Variants in COX6B2 observed in about 807,000 individuals in gnomAD.
COX6B2 encodes the protein COX VIb-2.
A neutral mutation model predicts 13.7 loss-of-function variants in COX6B2; 12 were observed. That is an observed-to-expected ratio of 0.87 (90% CI 0.56 to 1.41). The LOEUF (loss-of-function observed/expected upper bound fraction) is 1.41. Among genes scored for constraint, COX6B2 ranks in the 40% most tolerant of loss-of-function variants. The probability of loss-of-function intolerance (pLI) is 0.00; values close to 1 mark genes in which losing one functional copy is unlikely to be tolerated. For missense variants in COX6B2, 130 were observed against 118.3 expected, an observed-to-expected ratio of 1.10 and a Z score of -0.46; for synonymous variants, 56 against 46.6, an observed-to-expected ratio of 1.20 and a Z score of -0.82.
rs191810490 is a variant in COX6B2, at chr19:55,349,988, G to C, written c.*927C>G. ...ACTAAAAATACAAAATAAGCTGGGC[G>C]TGGTGGTGCATGCCTGTAATCCCAG... On this transcript the variant is annotated 3_prime_UTR_variant, in exon 5 of 5. Transcript: ENST00000326529. 1 of 152,070 alleles carries C rather than the reference G, an allele frequency of 6.6e-6. No homozygotes were observed. Among genetic ancestry groups the C allele is most frequent in the African/African-American group, 2.4e-5 (1 of 41,294 alleles). 9.4% of individuals were successfully genotyped at this position (152,070 alleles called of 1,614,324 possible).
chr19:55,352,941 G>C lies in COX6B2; in HGVS notation c.*114+666C>G, dbSNP rs578259516. The C allele has an allele frequency of 6.5e-6, 1 of 152,778 alleles. No individual in the cohort carries two copies. Among genetic ancestry groups the C allele is most frequent in the East Asian group, 1.9e-4 (1 of 5,180 alleles). 9.5% of individuals were successfully genotyped at this position (152,778 alleles called of 1,614,324 possible). A position where few individuals can be genotyped will look rare whatever the true frequency, so the allele number is the denominator to read the frequency against. ...AGCGGCCTCTGCGGGGTGGGGGTGC[G>C]GGGTGAGCCTGATGCATTGGAGAAC... On this transcript the variant is annotated intron_variant, in intron 4 of 4. Coordinates refer to ENST00000326529, the MANE Select transcript of COX6B2 (RefSeq NM_144613.5). The surrounding 1 kb of genome is among the most constrained non-coding windows in gnomAD (Gnocchi z 6.2).
chr19:55,351,181 C>A (rs959953987), intron 4 of COX6B2, among the ~76,000 whole-genome samples: 1 of 152,214 alleles, frequency 6.6e-6, no homozygotes, highest in South Asian at 2.1e-4. Flanking sequence ...GTTCTAACTG[C>A]TTTATATGTT....
Position 55,350,891 on chromosome 19 carries a change from T to C in COX6B2, c.*115-91A>G, listed in dbSNP as rs2089666078. On this transcript the variant is annotated intron_variant, in intron 4 of 4. Transcript: ENST00000326529. The surrounding 1 kb of genome is among the most constrained non-coding windows in gnomAD (Gnocchi z 4.2). The stretch of plus-strand genomic sequence containing the variant: ...TGGCACTAGAACTGCTCTCAGCCTT[T>C]GGCAGGCAGGCAGGGCCCTGGCCAA... 1 of 152,354 alleles carries C rather than the reference T, an allele frequency of 6.6e-6. No homozygotes were observed. The highest frequency in any genetic ancestry group is 1.5e-5 in the Non-Finnish European group (1 of 68,126). The allele number at this position is 152,354 out of a possible 1,614,324, so 9.4% of individuals were successfully genotyped here. A position where few individuals can be genotyped will look rare whatever the true frequency, so the allele number is the denominator to read the frequency against.
At chr19:55,351,319 G>A (rs2123212983) in intron 4 of COX6B2, among the ~76,000 whole-genome samples, 1 of 152,348 alleles carries the variant, frequency 6.6e-6, no homozygotes, top group African/African-American at 2.4e-5. Flanking sequence ...CACATGGTTA[G>A]TAGCTTCAGG....
chr19:55,350,991 G>A lies in COX6B2; in HGVS notation c.*115-191C>T, dbSNP rs1465264296. 6.6e-6 allele frequency among the ~76,000 whole-genome samples: 1 copy of A among 152,208 alleles called. No individual in the cohort carries two copies. Among genetic ancestry groups the A allele is most frequent in the Non-Finnish European group, 1.5e-5 (1 of 68,036 alleles). On this transcript the variant is annotated intron_variant, in intron 4 of 4. Coordinates refer to ENST00000326529, the MANE Select transcript of COX6B2 (RefSeq NM_144613.5). The surrounding 1 kb of genome is among the most constrained non-coding windows in gnomAD (Gnocchi z 4.2). ...TTATGCTGCAAGCTAGTAACCAGAT[G>A]CCTCCAAGAGCTCCAGGACTGGTTT...
chr19:55,352,741 G>A lies in COX6B2; in HGVS notation c.*114+866C>T, dbSNP rs1325444470. On this transcript the variant is annotated intron_variant, in intron 4 of 4. Transcript: ENST00000326529. The surrounding 1 kb of genome is among the most constrained non-coding windows in gnomAD (Gnocchi z 6.2). ...TGTCAAGCGGCACTCCTTGGCCTGG[G>A]GAGAGGCAAGACTTCAAAGGGCGTC... 1 of 152,242 alleles carries A rather than the reference G, an allele frequency of 6.6e-6. No individual in the cohort carries two copies. The highest frequency in any genetic ancestry group is 1.9e-4 in the East Asian group (1 of 5,194). 9.4% of individuals were successfully genotyped at this position (152,242 alleles called of 1,614,324 possible).
At position 55,352,405 on chromosome 19, in the gene COX6B2, C is replaced by T. The variant is rs1401901039; in HGVS notation, c.*114+1202G>A. ...GATGGAGTCAGCCCCCTGAGCTCAC[C>T]CAGCCCTACCTCCTCTGATAATGGG... On this transcript the variant is annotated intron_variant, in intron 4 of 4. Transcript: ENST00000326529. The surrounding 1 kb of genome is among the most constrained non-coding windows in gnomAD (Gnocchi z 6.2). 2 of 152,326 alleles carry T rather than the reference C, an allele frequency of 1.3e-5. No individual in the cohort carries two copies. Among genetic ancestry groups the T allele is most frequent in the South Asian group, 2.1e-4 (1 of 4,832 alleles). 9.4% of individuals were successfully genotyped at this position (152,326 alleles called of 1,614,324 possible).
At chr19:55,354,027 C>A (rs1600274747) in intron 2 of COX6B2, 61 bp from the exon 3 acceptor site, 1 of 1,400,840 alleles carries the variant, frequency 7.1e-7, no homozygotes, top group East Asian at 2.5e-5. Flanking sequence ...CCCGCCCCTC[C>A]ACTGCTCGGG....
intron 4 of COX6B2, 21 bp downstream of exon 4, chr19:55,353,586 G>T: frequency 1.2e-6 from 1 of 823,010 alleles, no homozygotes; most frequent in South Asian, 1.7e-5. Context: ...GCATTAAGAA[G>T]AAACATCAGC....
chr19:55,353,929 C>G lies in COX6B2; in HGVS notation c.150G>C (p.Gly50=). 6.4e-7 allele frequency: 1 copy of G among 1,566,466 alleles called. No homozygotes were observed. The highest frequency in any genetic ancestry group is 8.6e-7 in the Non-Finnish European group (1 of 1,157,954). The change falls in exon 3 of 5, where the codon GGG becomes GGC. Residue 50 remains glycine (G), a synonymous_variant. Coordinates refer to ENST00000326529, the MANE Select transcript of COX6B2 (RefSeq NM_144613.5). The stretch of plus-strand genomic sequence containing the variant: ...AGTACTCGCAGGGCTGCGTGCTCTT[C>G]CCGCGGCGGGTCCTGGTCTTGAGGC... ...HRCLKTRTRR[G]KSTQPCEYYF... is the part of the protein sequence containing the mutation.
In COX6B2 at chr19:55,353,673, A is replaced by T; in HGVS notation, c.*48T>A. ...CCGAGACCCGGGGCTCCGCGAGACA[A>T]AAAGATGCAGGATCACTGCATCTTC... On this transcript the variant is annotated 3_prime_UTR_variant, in exon 4 of 5. Transcript: ENST00000326529. The T allele has an allele frequency of 6.3e-7, 1 of 1,578,674 alleles. No homozygotes were observed. The highest frequency in any genetic ancestry group is 8.6e-7 in the Non-Finnish European group (1 of 1,158,478).
At chr19:55,351,876 G>GT (rs2089672489) in intron 4 of COX6B2, 1 of 152,858 alleles carries the variant, frequency 6.5e-6, no homozygotes, top group Non-Finnish European at 1.5e-5. Context: ...TCAGGCATCA[G>GT]TGGGGCAGTG....
rs1163350214 is a variant in COX6B2 at position 55,349,764 on chromosome 19, A to C, written c.*1151T>G. ...TTTTTATAGGGGGTTCAGAGCGTTC[A>C]TCACATTCTCACAAGTTTCTGTATC... On this transcript the variant is annotated 3_prime_UTR_variant, in exon 5 of 5. Coordinates refer to ENST00000326529, the MANE Select transcript of COX6B2 (RefSeq NM_144613.5). 1.3e-5 allele frequency: 2 copies of C among 152,188 alleles called. No homozygotes were observed. Among genetic ancestry groups the C allele is most frequent in the Non-Finnish European group, 2.9e-5 (2 of 68,054 alleles). The allele number at this position is 152,188 out of a possible 1,614,324, so 9.4% of individuals were successfully genotyped here. A position where few individuals can be genotyped will look rare whatever the true frequency, so the allele number is the denominator to read the frequency against.
Position 55,353,589 on chromosome 19 carries a change from A to G in COX6B2, c.*114+18T>C. 1.2e-6 allele frequency: 1 copy of G among 830,776 alleles called. No individual in the cohort carries two copies. The highest frequency in any genetic ancestry group is 1.9e-6 in the Non-Finnish European group (1 of 532,826). 51.5% of individuals were successfully genotyped at this position (830,776 alleles called of 1,614,324 possible). A position where few individuals can be genotyped will look rare whatever the true frequency, so the allele number is the denominator to read the frequency against. ...ATCGCTGGCTGGGCATTAAGAAGAA[A>G]CATCAGCAACAGCATACCATTATTC... On this transcript the variant is annotated intron_variant, in intron 4 of 4. Transcript: ENST00000326529.
intron 2 of COX6B2, 166 bp downstream of exon 2, chr19:55,354,242 CCT>C (rs2089691936): frequency 1.5e-6 from 1 of 676,216 alleles, no homozygotes; most frequent in Non-Finnish European, 2.6e-6. Context: ...TCGCCCCGCC[CCT>C]CCAGGCTCAG....
chr19:55,352,495 G>C lies in COX6B2; in HGVS notation c.*114+1112C>G, dbSNP rs2123214677. On this transcript the variant is annotated intron_variant, in intron 4 of 4. Coordinates refer to ENST00000326529, the MANE Select transcript of COX6B2 (RefSeq NM_144613.5). The surrounding 1 kb of genome is among the most constrained non-coding windows in gnomAD (Gnocchi z 6.2). ...TCACACAGGTCAAGAAGCTTGTCTAGGGTCACCCTGCAAGTTGTCATGATT... is the reference window on the plus strand; with the variant it reads ...TCACACAGGTCAAGAAGCTTGTCTACGGTCACCCTGCAAGTTGTCATGATT... The C allele has an allele frequency of 6.6e-6, 1 of 152,236 alleles. No individual in the cohort carries two copies. The highest frequency in any genetic ancestry group is 2.1e-4 in the South Asian group (1 of 4,830). 9.4% of individuals were successfully genotyped at this position (152,236 alleles called of 1,614,324 possible). A position where few individuals can be genotyped will look rare whatever the true frequency, so the allele number is the denominator to read the frequency against.
At chr19:55,351,618 G>A (rs1298776922) in intron 4 of COX6B2, 1 of 152,630 alleles carries the variant, frequency 6.6e-6, no homozygotes, top group Non-Finnish European at 1.5e-5. Context: ...AAGAAGGCGG[G>A]AGGAGGATGT....
At chr19:55,351,303 C>T (rs1052392583) in intron 4 of COX6B2, among the ~76,000 whole-genome samples, 6 of 152,158 alleles carry the variant, frequency 3.9e-5, no homozygotes, top group African/African-American at 1.4e-4. Flanking sequence ...GGAACTTGTC[C>T]CAGGCCACAT....
chr19:55,352,624 T>G lies in COX6B2; in HGVS notation c.*114+983A>C, dbSNP rs1016962748. 6.6e-6 allele frequency: 1 copy of G among 152,108 alleles called. No homozygotes were observed. Among genetic ancestry groups the G allele is most frequent in the Non-Finnish European group, 1.5e-5 (1 of 68,008 alleles). 9.4% of individuals were successfully genotyped at this position (152,108 alleles called of 1,614,324 possible). A position where few individuals can be genotyped will look rare whatever the true frequency, so the allele number is the denominator to read the frequency against. Reference sequence around the variant, plus strand: ...CCTAGGAGCCCCTCTGGAAGGCTGATAGCTCAGGGAGTACCCGTTGGGAAA... The same window carrying G: ...CCTAGGAGCCCCTCTGGAAGGCTGAGAGCTCAGGGAGTACCCGTTGGGAAA... On this transcript the variant is annotated intron_variant, in intron 4 of 4. Transcript: ENST00000326529. The surrounding 1 kb of genome is among the most constrained non-coding windows in gnomAD (Gnocchi z 6.2).
Sources: gnomAD v4.1 joint callset for allele counts (sites outside exome capture counted in the v4.1 genomes callset) on GRCh38, gnomAD v4.1.1 for gene constraint, Gnocchi (gnomAD v3.1) non-coding constraint, MANE v1.5 for transcripts, NCBI Gene and HGNC (gene_info 2026-07-23, HGNC 2026-07-21) for gene names.